Variants in VPS13B observed in about 807,000 individuals in gnomAD.
The protein encoded by VPS13B is vacuolar protein sorting 13 homolog B.
In VPS13B, 285 loss-of-function variants were observed where a neutral mutation model predicts 426.4. The ratio of observed to expected loss-of-function variants is 0.67; its 90% CI spans 0.61 to 0.74. The LOEUF (loss-of-function observed/expected upper bound fraction) is 0.74. Among genes scored for constraint, VPS13B ranks in the 30% least tolerant of loss-of-function variants. The probability of loss-of-function intolerance (pLI) is 0.00; values close to 1 mark genes in which losing one functional copy is unlikely to be tolerated. For synonymous variants in VPS13B, 1,676 were observed against 1,676.4 expected (o/e 1.00, Z 0.01); for missense variants, 4,537 against 4,782.6 (o/e 0.95, Z 1.51).
chr8:99,847,786 T>G (rs573086995), intron 54 of VPS13B, among the ~76,000 whole-genome samples: 5 of 152,340 alleles, frequency 3.3e-5, no homozygotes, highest in African/African-American at 1.2e-4. Context: ...ACTCTCTGGC[T>G]TTCTCCTGTG....
chr8:99,794,572 C>T (rs527503506), intron 43 of VPS13B, among the ~76,000 whole-genome samples: 2 of 152,276 alleles, frequency 1.3e-5, no homozygotes. Flanking sequence ...CTCTGAGTCA[C>T]CCATTCTTTT....
intron 34 of VPS13B, among the ~76,000 whole-genome samples, chr8:99,658,685 A>T (rs893715544): frequency 2.0e-5 from 3 of 152,236 alleles, no homozygotes; most frequent in African/African-American, 4.8e-5. Context: ...CAAGTGACAT[A>T]CACATTTAAA....
At position 99,638,537 on chromosome 8, in the gene VPS13B, G is replaced by A. The variant is rs571476390; in HGVS notation, c.5221-3274G>A. 4.6e-5 allele frequency among the ~76,000 whole-genome samples: 7 copies of A among 152,264 alleles called. 1 individual carries two copies. The highest frequency in any genetic ancestry group is 1.7e-4 in the African/African-American group (7 of 41,572). ...AGGACTAGCACCACCTGGAAGGGTT[G>A]CTGAAGTCTTCACAAAGAAGGTGAA... On this transcript the variant is annotated intron_variant, in intron 33 of 61. Transcript: ENST00000357162.
chr8:99,533,575 C>T (rs760888545), intron 30 of VPS13B, among the ~76,000 whole-genome samples: 1 of 152,104 alleles, frequency 6.6e-6, no homozygotes, highest in Admixed American at 6.6e-5. Flanking sequence ...TACATATATA[C>T]TTTAACAGTT....
At chr8:99,240,486 A>T (rs766288176) in intron 17 of VPS13B, among the ~76,000 whole-genome samples, 15 of 152,244 alleles carry the variant, frequency 9.9e-5, no homozygotes, top group Non-Finnish European at 1.3e-4. Context: ...CATCTAAAGT[A>T]CATATGAATA....
At chr8:99,552,947 T>C (rs1409474554) in intron 30 of VPS13B, among the ~76,000 whole-genome samples, 1 of 152,106 alleles carries the variant, frequency 6.6e-6, no homozygotes, top group Non-Finnish European at 1.5e-5. Flanking sequence ...ACAATCAAGA[T>C]ACAGAACTGT....
At chr8:99,838,430 G>A (rs1217827670) in intron 54 of VPS13B, among the ~76,000 whole-genome samples, 1 of 152,176 alleles carries the variant, frequency 6.6e-6, no homozygotes, top group Non-Finnish European at 1.5e-5. Context: ...AACCACTTTT[G>A]TCAGAATTAG....
At chr8:99,368,622 T>C (rs1475332652) in intron 19 of VPS13B, among the ~76,000 whole-genome samples, 1 of 152,188 alleles carries the variant, frequency 6.6e-6, no homozygotes, top group East Asian at 1.9e-4. Context: ...TTTTACTATC[T>C]CAGGTCATGC....
chr8:99,271,430 A>T (rs915803610), intron 17 of VPS13B, among the ~76,000 whole-genome samples: 2 of 152,176 alleles, frequency 1.3e-5, no homozygotes, highest in African/African-American at 4.8e-5. Flanking sequence ...TAGGTTTAGA[A>T]CTCCTTCTCA....
In VPS13B at chr8:99,661,288, C is replaced by A; in HGVS notation, c.5909-66C>A. 1.9e-6 allele frequency: 3 copies of A among 1,592,182 alleles called. No homozygotes were observed. The Admixed American group carries it at 5.0e-5, about 27-fold the overall frequency. On this transcript the variant is annotated intron_variant, in intron 34 of 61. Transcript: ENST00000357162. ...TTTTTCTCTCATTTATTAACTCAAA[C>A]TCATATATCAAAATGAGATATTTGT...
intron 12 of VPS13B, among the ~76,000 whole-genome samples, chr8:99,139,779 A>G (rs1810298819): frequency 6.6e-6 from 1 of 151,966 alleles, no homozygotes; most frequent in South Asian, 2.1e-4. Context: ...CTGAAACAAG[A>G]AATTTGTAGA....
At chr8:99,165,981 T>C (rs988058459) in intron 15 of VPS13B, among the ~76,000 whole-genome samples, 1 of 152,218 alleles carries the variant, frequency 6.6e-6, no homozygotes, top group East Asian at 1.9e-4. Flanking sequence ...ATTTTTCTTT[T>C]ATTTATTTAT....
intron 19 of VPS13B, among the ~76,000 whole-genome samples, chr8:99,279,709 AAT>A (rs1213140793): frequency 6.6e-6 from 1 of 152,086 alleles, no homozygotes; most frequent in African/African-American, 2.4e-5. Flanking sequence ...GCTATTTAGG[AAT>A]ATAAAATGAC....
chr8:99,235,285 G>A (rs539727891), intron 17 of VPS13B, among the ~76,000 whole-genome samples: 4 of 152,212 alleles, frequency 2.6e-5, no homozygotes, highest in African/African-American at 4.8e-5. Flanking sequence ...CCATGCTATC[G>A]TATTAAAAAT....
chr8:99,744,615 A>AC (rs1238793132), intron 39 of VPS13B, among the ~76,000 whole-genome samples: 1 of 152,218 alleles, frequency 6.6e-6, no homozygotes, highest in African/African-American at 2.4e-5. Flanking sequence ...TGTGGCACGT[A>AC]TACACCATGG....
At chr8:99,672,188 T>C (rs1369784642) in intron 35 of VPS13B, among the ~76,000 whole-genome samples, 1 of 152,180 alleles carries the variant, frequency 6.6e-6, no homozygotes, top group East Asian at 1.9e-4. Context: ...AGCAGTTTCA[T>C]TGAATCTGTA....
rs1825986619 is a variant in VPS13B at position 99,580,299 on chromosome 8, A to G, written c.5220+2666A>G. Among the ~76,000 whole-genome samples the G allele has an allele frequency of 2.0e-5, 3 of 148,394 alleles. No homozygotes were observed. In the Admixed American group the frequency reaches 2.0e-4, roughly 10 times the overall value. On this transcript the variant is annotated intron_variant, in intron 33 of 61. Transcript: ENST00000357162. ...AAGAAGAAATTATGTATATTTAATT[A>G]TGTATAATTAATATATATAACATTA...
intron 19 of VPS13B, among the ~76,000 whole-genome samples, chr8:99,373,278 A>C (rs1203059172): frequency 1.3e-5 from 2 of 152,048 alleles, no homozygotes. Flanking sequence ...ATGTATACCT[A>C]TGTAACAAAC....
At chr8:99,852,106 TC>T (rs1189535759) in intron 55 of VPS13B, among the ~76,000 whole-genome samples, 1 of 152,144 alleles carries the variant, frequency 6.6e-6, no homozygotes, top group East Asian at 1.9e-4. Context: ...AATAGAGGCA[TC>T]AAGGATGACA....
Sources: gnomAD v4.1 joint callset for allele counts (sites outside exome capture counted in the v4.1 genomes callset) on GRCh38, gnomAD v4.1.1 for gene constraint, MANE v1.5 for transcripts, NCBI Gene and HGNC (gene_info 2026-07-23, HGNC 2026-07-21) for gene names.